RIMBP2: variants seen among roughly 807,000 people sequenced by gnomAD.
The protein encoded by RIMBP2 is RIMS-binding protein 2.
Under a neutral mutation model 118.6 loss-of-function variants are expected in RIMBP2, and 48 were observed. That is an observed-to-expected ratio of 0.40 (90% confidence interval 0.32 to 0.51). The LOEUF is 0.51. RIMBP2 is among the 20% of genes least tolerant of loss of function. The pLI, the probability that RIMBP2 is intolerant of heterozygous loss-of-function variation, is 0.41. For synonymous variants in RIMBP2, 762 were observed against 742.9 expected (o/e 1.03, Z -0.42); for missense variants, 1,551 against 1,768.3 (o/e 0.88, Z 2.20).
chr12:130,593,292 T>C (rs908290111), intron 2 of RIMBP2, among the ~76,000 whole-genome samples: 1 of 152,066 alleles, frequency 6.6e-6, no homozygotes, highest in African/African-American at 2.4e-5. Context: ...TTCACACTGC[T>C]CTCCCACCAC....
chr12:130,502,664 G>A (rs970492773), intron 4 of RIMBP2, among the ~76,000 whole-genome samples: 2 of 152,156 alleles, frequency 1.3e-5, no homozygotes, highest in African/African-American at 4.8e-5. Flanking sequence ...TTATTTTTCT[G>A]CAAAGCACTT....
chr12:130,638,538 C>T (rs1250311856), intron 1 of RIMBP2, among the ~76,000 whole-genome samples: 2 of 152,120 alleles, frequency 1.3e-5, no homozygotes, highest in African/African-American at 2.4e-5. Flanking sequence ...GATCATCAGG[C>T]ATTAGGTTCT....
At chr12:130,592,857 C>T (rs1566326340) in intron 2 of RIMBP2, among the ~76,000 whole-genome samples, 1 of 152,110 alleles carries the variant, frequency 6.6e-6, no homozygotes, top group Non-Finnish European at 1.5e-5. Flanking sequence ...GGACAGCGAG[C>T]TGGTGAGGAT....
intron 1 of RIMBP2, among the ~76,000 whole-genome samples, chr12:130,645,333 C>T (rs1367095727): frequency 1.3e-5 from 2 of 152,186 alleles, no homozygotes; most frequent in Non-Finnish European, 2.9e-5. Flanking sequence ...CTTTTACCAG[C>T]ACACCGCTCC....
At position 130,424,264 on chromosome 12, in the gene RIMBP2, A is replaced by G; in HGVS notation, c.3007T>C (p.Trp1003Arg). The change falls in exon 16 of 23, where the codon TGG (tryptophan) becomes CGG (arginine). Residue 1003 changes from tryptophan (W) to arginine (R), a missense_variant. By Grantham distance (101) the Trp-to-Arg change is moderately radical (BLOSUM62 -3). Coordinates refer to ENST00000690449, the MANE Select transcript of RIMBP2 (RefSeq NM_001393629.1). This position sits in a 1 kb window ranked among gnomAD's most constrained non-coding sequence, Gnocchi z 9.8. ...TCTTGGTGCTCGGTGGGCTCGCCCCAGCCGTGCTTCCTGGGGGGCGGCCTC... is the reference window on the plus strand; with the variant it reads ...TCTTGGTGCTCGGTGGGCTCGCCCCGGCCGTGCTTCCTGGGGGGCGGCCTC... Reference protein sequence around the residue: ...PERPPPRKHGWGEPTEHQDFR... With the variant: ...PERPPPRKHGRGEPTEHQDFR... The G allele has an allele frequency of 8.1e-7, 1 of 1,231,658 alleles. No homozygotes were observed. The allele number at this position is 1,231,658 out of a possible 1,614,324, so 76.3% of individuals were successfully genotyped here.
chr12:130,560,674 C>G (rs2056750360), intron 2 of RIMBP2, among the ~76,000 whole-genome samples: 1 of 152,196 alleles, frequency 6.6e-6, no homozygotes, highest in Non-Finnish European at 1.5e-5. Flanking sequence ...GAGAGCAGCT[C>G]CTCAATCGCA....
chr12:130,494,665 A>AT (rs2048974194), intron 4 of RIMBP2, among the ~76,000 whole-genome samples: 1 of 121,852 alleles, frequency 8.2e-6, no homozygotes, highest in Admixed American at 8.3e-5. Context: ...AGAAAAGAAA[A>AT]GAAAGAGCAA....
At chr12:130,555,669 G>A (rs78412518) in intron 2 of RIMBP2, among the ~76,000 whole-genome samples, 10,341 of 152,252 alleles carry the variant, frequency 0.068, 464 homozygotes, top group East Asian at 0.22. Context: ...TTCAACAACC[G>A]CCTCACCTCT....
intron 2 of RIMBP2, among the ~76,000 whole-genome samples, chr12:130,553,166 GAAAA>G (rs2055992888): frequency 9.0e-6 from 1 of 110,586 alleles, no homozygotes. Flanking sequence ...AAAAAAAAAA[GAAAA>G]GAAAAGAAAA....
intron 1 of RIMBP2, among the ~76,000 whole-genome samples, chr12:130,697,035 AT>A (rs1245793159): frequency 2.0e-5 from 3 of 152,196 alleles, no homozygotes; most frequent in Non-Finnish European, 4.4e-5. Context: ...AGGGGATTTT[AT>A]TTTGCAGACA....
At chr12:130,601,601 C>T (rs930152716) in intron 2 of RIMBP2, among the ~76,000 whole-genome samples, 1 of 152,174 alleles carries the variant, frequency 6.6e-6, no homozygotes, top group Non-Finnish European at 1.5e-5. Context: ...TTTATGAGCT[C>T]TGTAATGCAA....
intron 2 of RIMBP2, among the ~76,000 whole-genome samples, chr12:130,546,097 C>CT (rs56407634): frequency 0.39 from 40,359 of 103,424 alleles, 8,821 homozygotes; most frequent in East Asian, 0.59. Context: ...ATCACTGCTT[C>CT]TTTTTTTTTT....
chr12:130,545,074 T>C (rs1042227725), intron 2 of RIMBP2, among the ~76,000 whole-genome samples: 1 of 152,216 alleles, frequency 6.6e-6, no homozygotes, highest in Non-Finnish European at 1.5e-5. Flanking sequence ...CATTCACTTA[T>C]AAAACAGTTT....
Position 130,623,292 on chromosome 12 carries a change from T to A in RIMBP2, c.-217+5030A>T, listed in dbSNP as rs1395540790. On this transcript the variant is annotated intron_variant, in intron 2 of 22. Coordinates refer to ENST00000690449, the MANE Select transcript of RIMBP2 (RefSeq NM_001393629.1). This position sits in a 1 kb window ranked among gnomAD's most constrained non-coding sequence, Gnocchi z 4.1. ...AGTTCTTGGCTACATGTGCAGAACATGCAGGTTTGTTACACAGGTATACAT... is the reference window on the plus strand; with the variant it reads ...AGTTCTTGGCTACATGTGCAGAACAAGCAGGTTTGTTACACAGGTATACAT... Among the ~76,000 whole-genome samples the A allele has an allele frequency of 2.6e-5, 4 of 152,196 alleles. No individual in the cohort carries two copies. The highest frequency in any genetic ancestry group is 4.1e-4 in the South Asian group (2 of 4,828).
intron 7 of RIMBP2, among the ~76,000 whole-genome samples, chr12:130,454,799 G>C (rs1219934072): frequency 1.3e-5 from 2 of 152,238 alleles, no homozygotes; most frequent in Non-Finnish European, 2.9e-5. Context: ...CTTTGCAGCG[G>C]GTTCCACATT....
chr12:130,627,223 C>A (rs1392157742), intron 2 of RIMBP2, among the ~76,000 whole-genome samples: 1 of 152,250 alleles, frequency 6.6e-6, no homozygotes, highest in East Asian at 1.9e-4. Flanking sequence ...ATTTGCCAAG[C>A]CCAAGCAGGG....
intron 1 of RIMBP2, among the ~76,000 whole-genome samples, chr12:130,642,258 G>T (rs4759738): frequency 6.6e-6 from 1 of 152,038 alleles, no homozygotes; most frequent in Non-Finnish European, 1.5e-5. Flanking sequence ...GCTCCGGCTG[G>T]GACTCTGGGT....
intron 1 of RIMBP2, among the ~76,000 whole-genome samples, chr12:130,680,855 G>A (rs975762712): frequency 1.3e-5 from 2 of 152,116 alleles, no homozygotes; most frequent in East Asian, 1.9e-4. Flanking sequence ...GACAGTTCCC[G>A]CCACACTTCA....
At chr12:130,484,724 G>A (rs2082336226) in intron 4 of RIMBP2, among the ~76,000 whole-genome samples, 1 of 152,162 alleles carries the variant, frequency 6.6e-6, no homozygotes, top group Admixed American at 6.5e-5. Context: ...TCTCCACGCT[G>A]CCCACATCAG....
Sources: gnomAD v4.1 joint callset for allele counts (sites outside exome capture counted in the v4.1 genomes callset) on GRCh38, gnomAD v4.1.1 for gene constraint, Gnocchi (gnomAD v3.1) non-coding constraint, MANE v1.5 for transcripts, NCBI Gene and HGNC (gene_info 2026-07-23, HGNC 2026-07-21) for gene names.